The following CSMD1 variants were observed in gnomAD, a reference collection of about 807,000 sequenced individuals.
CSMD1 encodes CUB and Sushi multiple domains 1.
In CSMD1, 213 loss-of-function variants were observed where a neutral mutation model predicts 417.5. That is an observed-to-expected ratio of 0.51 (90% CI 0.46 to 0.57). The LOEUF (loss-of-function observed/expected upper bound fraction) is 0.57. Ranked by LOEUF, CSMD1 falls within the 20% of genes least tolerant of loss-of-function variation. The probability of loss-of-function intolerance (pLI) is 0.00; values close to 1 mark genes in which losing one functional copy is unlikely to be tolerated. For missense variants in CSMD1, 6,923 were observed against 4,529.7 expected (o/e 1.53, Z -15.17); for synonymous variants, 2,862 against 1,736.8 (o/e 1.65, Z -16.11).
intron 3 of CSMD1, among the ~76,000 whole-genome samples, chr8:4,329,799 A>C (rs1304579419): frequency 1.3e-5 from 2 of 151,872 alleles, no homozygotes; most frequent in African/African-American, 4.8e-5. Context: ...TTTTGCTCCA[A>C]GTTCTCATGA....
chr8:4,460,662 G>C (rs569680148), intron 2 of CSMD1, among the ~76,000 whole-genome samples: 1 of 131,030 alleles, frequency 7.6e-6, no homozygotes, highest in Non-Finnish European at 1.5e-5. Context: ...TTAAGAAGAA[G>C]ACTGTAAGAG....
At chr8:4,123,676 C>G (rs779420567) in intron 3 of CSMD1, among the ~76,000 whole-genome samples, 2 of 152,030 alleles carry the variant, frequency 1.3e-5, no homozygotes, top group Admixed American at 6.6e-5. Context: ...AGTGGGAAAA[C>G]CTGATGATAA....
chr8:2,985,868 A>T (rs922435528), intron 54 of CSMD1, among the ~76,000 whole-genome samples: 5 of 150,086 alleles, frequency 3.3e-5, no homozygotes, highest in Middle Eastern at 3.5e-3. Context: ...TGGCTTCTGA[A>T]CTGCTCCTTC....
intron 12 of CSMD1, among the ~76,000 whole-genome samples, chr8:3,448,032 C>A (rs1281711795): frequency 6.6e-6 from 1 of 151,936 alleles, no homozygotes; most frequent in Non-Finnish European, 1.5e-5. Context: ...ACCCTGGATA[C>A]AAACAAGCCT....
chr8:4,768,242 G>C (rs541148198), intron 1 of CSMD1, among the ~76,000 whole-genome samples: 1 of 152,036 alleles, frequency 6.6e-6, no homozygotes, highest in East Asian at 1.9e-4. Flanking sequence ...TGCTCTGTGG[G>C]CTCCTCCTTC....
At chr8:3,135,257 C>T (rs567716856) in intron 41 of CSMD1, among the ~76,000 whole-genome samples, 53 of 152,294 alleles carry the variant, frequency 3.5e-4, no homozygotes, top group African/African-American at 1.1e-3. Flanking sequence ...TCTGCAGAAG[C>T]ACATGAGGAC....
At chr8:4,830,599 G>C (rs961344591) in intron 1 of CSMD1, among the ~76,000 whole-genome samples, 1 of 152,178 alleles carries the variant, frequency 6.6e-6, no homozygotes, top group African/African-American at 2.4e-5. Flanking sequence ...CAAACACATA[G>C]ATACATAGAA....
At chr8:3,625,740 A>G (rs1344392029) in intron 7 of CSMD1, among the ~76,000 whole-genome samples, 1 of 152,230 alleles carries the variant, frequency 6.6e-6, no homozygotes. Context: ...ACTACTCCCT[A>G]CAGAGATCCT....
chr8:3,429,366 T>C (rs571400273), intron 12 of CSMD1, among the ~76,000 whole-genome samples: 11 of 152,308 alleles, frequency 7.2e-5, no homozygotes, highest in African/African-American at 2.4e-4. Context: ...GGTAACTTTT[T>C]AAAAAGTTAA....
intron 5 of CSMD1, among the ~76,000 whole-genome samples, chr8:3,853,901 A>T (rs1316095890): frequency 6.8e-6 from 1 of 146,660 alleles, no homozygotes; most frequent in African/African-American, 2.5e-5. Context: ...ATACTTTAAT[A>T]TATTAATACA....
intron 7 of CSMD1, among the ~76,000 whole-genome samples, chr8:3,667,332 AG>A (rs1798746244): frequency 6.6e-6 from 1 of 152,168 alleles, no homozygotes; most frequent in Admixed American, 6.5e-5. Context: ...AAGGGGTGGC[AG>A]GTGTCCCCTT....
chr8:3,290,008 G>C (rs1337268756), intron 25 of CSMD1, among the ~76,000 whole-genome samples: 1 of 147,332 alleles, frequency 6.8e-6, no homozygotes, highest in Non-Finnish European at 1.5e-5. Context: ...TTTGTGTAAG[G>C]TGTAAGGAAG....
intron 2 of CSMD1, among the ~76,000 whole-genome samples, chr8:4,629,751 C>G (rs957189406): frequency 6.6e-5 from 10 of 152,074 alleles, no homozygotes; most frequent in Non-Finnish European, 1.3e-4. Context: ...ACTAGATTTA[C>G]TATTGTATAA....
At chr8:3,778,370 G>A (rs749109153) in intron 5 of CSMD1, among the ~76,000 whole-genome samples, 2 of 152,080 alleles carry the variant, frequency 1.3e-5, no homozygotes, top group East Asian at 1.9e-4. Flanking sequence ...GAATCATTTC[G>A]GTAAGAAGAC....
chr8:4,271,980 A>T (rs1034836123), intron 3 of CSMD1, among the ~76,000 whole-genome samples: 1 of 152,126 alleles, frequency 6.6e-6, no homozygotes, highest in Non-Finnish European at 1.5e-5. Flanking sequence ...CTCCCTATAT[A>T]GATGGATTTC....
At chr8:4,624,534 G>C (rs780244863) in intron 2 of CSMD1, among the ~76,000 whole-genome samples, 2 of 152,092 alleles carry the variant, frequency 1.3e-5, no homozygotes, top group African/African-American at 2.4e-5. Context: ...GCCTGCACTG[G>C]AATTTAAACC....
chr8:3,140,488 G>A (rs1389418327), intron 41 of CSMD1, among the ~76,000 whole-genome samples: 1 of 152,166 alleles, frequency 6.6e-6, no homozygotes, highest in Non-Finnish European at 1.5e-5. Context: ...AATGTCTAGA[G>A]ACATATTGCT....
At chr8:4,650,347 G>GAAAAAAAAAAAAAAAA (rs61642390) in intron 1 of CSMD1, among the ~76,000 whole-genome samples, 1 of 78,254 alleles carries the variant, frequency 1.3e-5, no homozygotes, top group African/African-American at 4.3e-5. Context: ...TCCGTCTCAA[G>GAAAAAAAAAAAAAAAA]AAAAAAAAAA....
At chr8:3,745,696 G>C (rs1584936532) in intron 6 of CSMD1, among the ~76,000 whole-genome samples, 1 of 152,348 alleles carries the variant, frequency 6.6e-6, no homozygotes, top group South Asian at 2.1e-4. Flanking sequence ...GCTGGAGTAA[G>C]GACGTTAACC....
Sources: gnomAD v4.1 joint callset for allele counts (sites outside exome capture counted in the v4.1 genomes callset) on GRCh38, gnomAD v4.1.1 for gene constraint, MANE v1.5 for transcripts, NCBI Gene and HGNC (gene_info 2026-07-23, HGNC 2026-07-21) for gene names.